Variants in USP10 observed in about 807,000 individuals in gnomAD.
USP10 encodes the protein ubiquitin specific peptidase 10.
Under a neutral mutation model 84.5 loss-of-function variants are expected in USP10, and 22 were observed. The observed-to-expected ratio is 0.26, with a 90% CI of 0.19 to 0.37. The LOEUF (loss-of-function observed/expected upper bound fraction) is 0.37. Among genes scored for constraint, USP10 ranks in the 10% least tolerant of loss-of-function variants. The pLI, the probability that USP10 is intolerant of heterozygous loss-of-function variation, is 1.00. For missense variants in USP10, 1,019 were observed against 998.9 expected, an observed-to-expected ratio of 1.02 and a Z score of -0.27; for synonymous variants, 454 against 387.6, an observed-to-expected ratio of 1.17 and a Z score of -2.01.
rs1345433468 is a variant in USP10, at chr16:84,744,955, A to T, written c.474A>T (p.Gly158=). The T allele has an allele frequency of 3.7e-6, 6 of 1,613,690 alleles. No homozygotes were observed. The highest frequency in any genetic ancestry group is 4.2e-6 in the Non-Finnish European group (5 of 1,179,734). The change falls in exon 4 of 14, where the codon GGA becomes GGT. Residue 158 remains glycine, a synonymous_variant. Transcript: ENST00000219473. ...AAAAGAAGAAAAAGCGGCCACCTGG[A>T]TATTACAGCTATTTGAAAGATGGTG... is the stretch of plus-strand genomic sequence containing the variant. ...ERKKKKKRPP[G]YYSYLKDGGD...
intron 1 of USP10, among the ~76,000 whole-genome samples, 183 bp downstream of exon 1, chr16:84,700,294 C>G (rs1289034008): frequency 2.0e-5 from 3 of 151,918 alleles, no homozygotes; most frequent in Admixed American, 6.5e-5. Flanking sequence ...GCGCCTTCGT[C>G]CCCTGAGCCA....
chr16:84,722,906 C>T (rs991586446), intron 1 of USP10, among the ~76,000 whole-genome samples: 4 of 152,170 alleles, frequency 2.6e-5, no homozygotes, highest in African/African-American at 9.7e-5. Flanking sequence ...TTTTTTGTCC[C>T]TAGGAACATG....
intron 4 of USP10, among the ~76,000 whole-genome samples, chr16:84,747,036 C>T (rs1911308245): frequency 6.6e-6 from 1 of 152,176 alleles, no homozygotes; most frequent in Admixed American, 6.5e-5. Flanking sequence ...ATCAAGACGC[C>T]ACTAGGCGGC....
chr16:84,775,602 T>C (rs1914924110), intron 13 of USP10, among the ~76,000 whole-genome samples: 1 of 152,088 alleles, frequency 6.6e-6, no homozygotes, highest in Non-Finnish European at 1.5e-5. Flanking sequence ...CCAGGTTGGG[T>C]GAGCGCGCCC....
rs1446648765 is a variant in USP10, at chr16:84,745,415, T to C, written c.934T>C (p.Leu312=). 1 of 1,613,722 alleles carries C rather than the reference T, an allele frequency of 6.2e-7. No individual in the cohort carries two copies. The highest frequency in any genetic ancestry group is 1.1e-5 in the South Asian group (1 of 91,064). Residue 312 remains leucine (L), a synonymous_variant, in exon 4 of 14, where the codon TTG becomes CTG. Transcript: ENST00000219473. ...GTTGCACACCACGGAAAGCATAGAC[T>C]TGGACCCAACCAAACCCGAGAGTGC... ...VELHTTESID[L]DPTKPESASP...
chr16:84,768,649 A>G (rs865994490), intron 11 of USP10, among the ~76,000 whole-genome samples: 15 of 152,206 alleles, frequency 9.9e-5, no homozygotes, highest in Admixed American at 2.6e-4. Context: ...CACAACATCA[A>G]TACTACCTCT....
chr16:84,776,940 G>C (rs1315453721), intron 13 of USP10, among the ~76,000 whole-genome samples: 1 of 152,328 alleles, frequency 6.6e-6, no homozygotes, highest in Middle Eastern at 3.4e-3. Flanking sequence ...AGCCCCCCGA[G>C]TAGCTGGGAT....
intron 2 of USP10, among the ~76,000 whole-genome samples, chr16:84,735,284 A>G (rs1402294021): frequency 6.6e-6 from 1 of 151,724 alleles, no homozygotes; most frequent in East Asian, 1.9e-4. Context: ...TTCCCACATC[A>G]CACTGATGTA....
intron 4 of USP10, among the ~76,000 whole-genome samples, chr16:84,750,393 TGA>T (rs1911780863): frequency 1.5e-5 from 2 of 129,478 alleles, no homozygotes; most frequent in Non-Finnish European, 3.2e-5. Flanking sequence ...GGCCACAGAG[TGA>T]GACTGTCTCA....
intron 4 of USP10, among the ~76,000 whole-genome samples, chr16:84,753,074 T>C (rs1912120081): frequency 6.6e-6 from 1 of 152,148 alleles, no homozygotes; most frequent in Non-Finnish European, 1.5e-5. Context: ...GCAGGTGGTC[T>C]TCCTGCCCCA....
At chr16:84,749,867 G>T (rs16974535) in intron 4 of USP10, among the ~76,000 whole-genome samples, 1 of 151,942 alleles carries the variant, frequency 6.6e-6, no homozygotes, top group African/African-American at 2.4e-5. Context: ...CCATCTCCTC[G>T]GTGTAGGTTA....
rs1044958969 is a variant in USP10, at chr16:84,772,412, C to A, written c.1999-129C>A. ...CAGAGCTTCTGTGGGGCAGGAAAAG[C>A]CATGAAGTCCTGCCACAGGACTCTT... On this transcript the variant is annotated intron_variant, in intron 11 of 13. Transcript: ENST00000219473. The A allele has an allele frequency of 1.1e-5, 14 of 1,298,098 alleles. No homozygotes were observed. In the African/African-American group the frequency reaches 1.8e-4, roughly 16 times the overall value. The allele number at this position is 1,298,098 out of a possible 1,614,324, so 80.4% of individuals were successfully genotyped here.
At chr16:84,721,898 G>A (rs575265183) in intron 1 of USP10, among the ~76,000 whole-genome samples, 8 of 152,164 alleles carry the variant, frequency 5.3e-5, no homozygotes, top group Admixed American at 6.5e-5. Flanking sequence ...GGGTTTCACC[G>A]TGTTGCCTAG....
At chr16:84,718,137 A>G (rs1170414286) in intron 1 of USP10, among the ~76,000 whole-genome samples, 1 of 152,214 alleles carries the variant, frequency 6.6e-6, no homozygotes, top group African/African-American at 2.4e-5. Context: ...TATTTTTGAG[A>G]AAGTGGAGTG....
intron 13 of USP10, among the ~76,000 whole-genome samples, chr16:84,778,186 A>G (rs924383598): frequency 6.6e-5 from 10 of 151,570 alleles, no homozygotes; most frequent in African/African-American, 2.4e-4. Flanking sequence ...TACCAGCACC[A>G]TCTCCGCAGT....
At chr16:84,704,356 T>A (rs1343248337) in intron 1 of USP10, among the ~76,000 whole-genome samples, 2 of 152,248 alleles carry the variant, frequency 1.3e-5, no homozygotes, top group African/African-American at 4.8e-5. Flanking sequence ...TTCTATTTAC[T>A]GCCACACATG....
chr16:84,751,798 AG>A (rs1337259357), intron 4 of USP10, among the ~76,000 whole-genome samples: 1 of 152,256 alleles, frequency 6.6e-6, no homozygotes. Context: ...TTGAGCCCTA[AG>A]AATCAGAGTT....
At chr16:84,756,950 T>A (rs1912611067) in intron 4 of USP10, among the ~76,000 whole-genome samples, 1 of 152,218 alleles carries the variant, frequency 6.6e-6, no homozygotes, top group South Asian at 2.1e-4. Flanking sequence ...AAGCCCCTTA[T>A]ATATTGAGGA....
chr16:84,738,395 A>G (rs1363969456), intron 2 of USP10, among the ~76,000 whole-genome samples: 1 of 152,180 alleles, frequency 6.6e-6, no homozygotes, highest in Non-Finnish European at 1.5e-5. Flanking sequence ...TCATTAACAG[A>G]AAAAGAGGGC....
Sources: gnomAD v4.1 joint callset for allele counts (sites outside exome capture counted in the v4.1 genomes callset) on GRCh38, gnomAD v4.1.1 for gene constraint, MANE v1.5 for transcripts, NCBI Gene and HGNC (gene_info 2026-07-23, HGNC 2026-07-21) for gene names.